Variants in PDGFC observed in about 807,000 individuals in gnomAD.
The protein encoded by PDGFC is platelet derived growth factor C.
Under a neutral mutation model 35.5 loss-of-function variants are expected in PDGFC, and 12 were observed. The observed-to-expected ratio is 0.34, with a 90% CI of 0.22 to 0.55. The LOEUF (loss-of-function observed/expected upper bound fraction) is 0.55. Ranked by LOEUF, PDGFC falls within the 20% of genes least tolerant of loss-of-function variation. The pLI is 0.91. For synonymous variants in PDGFC, 159 were observed against 148.8 expected, an observed-to-expected ratio of 1.07 and a Z score of -0.50; for missense variants, 322 against 412.4, an observed-to-expected ratio of 0.78 and a Z score of 1.90.
chr4:156,796,634 C>T (rs1354803908), intron 3 of PDGFC, among the ~76,000 whole-genome samples: 1 of 150,926 alleles, frequency 6.6e-6, no homozygotes, highest in Non-Finnish European at 1.5e-5. Flanking sequence ...TATAATTTTT[C>T]CCATTTATTT....
intron 1 of PDGFC, among the ~76,000 whole-genome samples, chr4:156,918,450 A>T (rs953820928): frequency 3.9e-5 from 6 of 152,232 alleles, no homozygotes; most frequent in African/African-American, 1.4e-4. Context: ...CCCTTAAATC[A>T]GGGGTCCAAC....
intron 3 of PDGFC, among the ~76,000 whole-genome samples, chr4:156,788,027 A>T (rs1276947237): frequency 1.3e-5 from 2 of 152,180 alleles, no homozygotes; most frequent in Non-Finnish European, 2.9e-5. Flanking sequence ...TATGACTCTA[A>T]AACAGGTCTA....
chr4:156,889,010 C>T (rs914339511), intron 1 of PDGFC, among the ~76,000 whole-genome samples: 2 of 152,136 alleles, frequency 1.3e-5, no homozygotes, highest in African/African-American at 4.8e-5. Flanking sequence ...GAATTGCCCT[C>T]AGAATTCTGA....
chr4:156,890,995 G>A (rs1194724724), intron 1 of PDGFC, among the ~76,000 whole-genome samples: 1 of 151,952 alleles, frequency 6.6e-6, no homozygotes, highest in African/African-American at 2.4e-5. Flanking sequence ...AGGCAATTTT[G>A]TTGTTGTGTG....
chr4:156,851,127 G>GA (rs1729442287), intron 1 of PDGFC, among the ~76,000 whole-genome samples: 1 of 151,668 alleles, frequency 6.6e-6, no homozygotes, highest in Non-Finnish European at 1.5e-5. Flanking sequence ...ATAACTTCTG[G>GA]GAAAAACAAA....
intron 2 of PDGFC, among the ~76,000 whole-genome samples, chr4:156,824,889 T>A (rs1174275621): frequency 3.3e-5 from 5 of 152,154 alleles, no homozygotes; most frequent in Admixed American, 6.5e-5. Flanking sequence ...CTGCTGGGTG[T>A]GATGCCCTGT....
intron 2 of PDGFC, among the ~76,000 whole-genome samples, chr4:156,821,169 A>ATGTG (rs3067734): frequency 1.6e-4 from 23 of 142,702 alleles, no homozygotes; most frequent in East Asian, 1.0e-3. Context: ...TGCCTGTTGT[A>ATGTG]TGTGTGTGTG....
At chr4:156,945,637 A>G (rs761205337) in intron 1 of PDGFC, among the ~76,000 whole-genome samples, 2 of 151,878 alleles carry the variant, frequency 1.3e-5, no homozygotes, top group African/African-American at 2.4e-5. Context: ...AGTGGATGCA[A>G]TGACCTTGTA....
intron 2 of PDGFC, among the ~76,000 whole-genome samples, chr4:156,844,526 C>T (rs1459916822): frequency 6.6e-6 from 1 of 151,858 alleles, no homozygotes; most frequent in East Asian, 1.9e-4. Context: ...TTTTTTAATG[C>T]TACTCATGTT....
rs913649558 is a variant in PDGFC at position 156,859,891 on chromosome 4, TA to T, written c.119-9476del. Among the ~76,000 whole-genome samples the T allele has an allele frequency of 2.6e-3, 399 of 150,684 alleles. 3 individuals are homozygous for T. The highest frequency in any genetic ancestry group is 9.2e-3 in the African/African-American group (379 of 41,168). On this transcript the variant is annotated intron_variant, in intron 1 of 5. Coordinates refer to ENST00000502773, the MANE Select transcript of PDGFC (RefSeq NM_016205.3). Reference sequence around the variant, plus strand: ...TTATTTTTATCATCTAGCTGGCCTATAAAAAAAAAGAGTGAAAAGCTTAAAC... The same window carrying T: ...TTATTTTTATCATCTAGCTGGCCTATAAAAAAAAGAGTGAAAAGCTTAAAC...
chr4:156,897,350 A>ATGTGTGTGTGTGTGTGTG (rs70956698), intron 1 of PDGFC, among the ~76,000 whole-genome samples: 6 of 142,986 alleles, frequency 4.2e-5, no homozygotes, highest in Non-Finnish European at 7.7e-5. Flanking sequence ...GTGAGAGTGT[A>ATGTGTGTGTGTGTGTGTG]TGTGTGTGTG....
chr4:156,960,918 T>C (rs572809550), intron 1 of PDGFC, among the ~76,000 whole-genome samples: 2 of 152,150 alleles, frequency 1.3e-5, no homozygotes, highest in Admixed American at 1.3e-4. Context: ...TTCTTTACAA[T>C]TTGCACCCTG....
chr4:156,952,313 A>G (rs538230256), intron 1 of PDGFC, among the ~76,000 whole-genome samples: 1 of 152,000 alleles, frequency 6.6e-6, no homozygotes, highest in East Asian at 1.9e-4. Context: ...ATTCAATGAT[A>G]CTGCCAAGTT....
At chr4:156,852,502 A>G (rs768250839) in intron 1 of PDGFC, among the ~76,000 whole-genome samples, 2 of 152,156 alleles carry the variant, frequency 1.3e-5, no homozygotes, top group East Asian at 1.9e-4. Context: ...TCTCTACTCA[A>G]TATCTTAAAG....
intron 2 of PDGFC, chr4:156,835,804 GT>G (rs1000957753): frequency 3.3e-5 from 5 of 152,080 alleles, no homozygotes; most frequent in African/African-American, 1.2e-4. Flanking sequence ...CTGCCAATTT[GT>G]CCTACCAAAA....
intron 3 of PDGFC, among the ~76,000 whole-genome samples, chr4:156,807,880 T>G (rs1185230380): frequency 6.6e-6 from 1 of 152,086 alleles, no homozygotes; most frequent in Non-Finnish European, 1.5e-5. Flanking sequence ...TTGGGTTGAT[T>G]ATGAAAAGTA....
intron 1 of PDGFC, among the ~76,000 whole-genome samples, chr4:156,883,069 G>C (rs1730284368): frequency 6.8e-6 from 1 of 147,516 alleles, no homozygotes; most frequent in South Asian, 2.1e-4. Flanking sequence ...GAGCGACAGA[G>C]CAAGATTCTG....
At chr4:156,925,877 C>A (rs1471878831) in intron 1 of PDGFC, among the ~76,000 whole-genome samples, 8 of 151,228 alleles carry the variant, frequency 5.3e-5, no homozygotes, top group Non-Finnish European at 8.8e-5. Flanking sequence ...AGGGTGAAAC[C>A]CCGTCTCTAC....
At chr4:156,829,342 A>T (rs1335454054) in intron 2 of PDGFC, among the ~76,000 whole-genome samples, 2 of 152,224 alleles carry the variant, frequency 1.3e-5, no homozygotes, top group Non-Finnish European at 2.9e-5. Context: ...TCAGATTGTT[A>T]GGTGATTTCA....
Sources: allele counts gnomAD v4.1 joint callset (sites outside exome capture counted in the v4.1 genomes callset), GRCh38; gene constraint gnomAD v4.1.1; transcripts MANE v1.5; gene names NCBI Gene and HGNC (gene_info 2026-07-23, HGNC 2026-07-21).